The following MMP13 variants were observed in gnomAD, a reference collection of about 807,000 sequenced individuals.
The protein encoded by MMP13 is collagenase 3.
In MMP13, 45 loss-of-function variants were observed where a neutral mutation model predicts 52.1. The ratio of observed to expected loss-of-function variants is 0.86; its 90% confidence interval spans 0.68 to 1.11. MMP13 has a LOEUF of 1.11. MMP13 is among the 50% of genes least tolerant of loss of function. The pLI is 0.00. For missense variants in MMP13, 576 were observed against 583.8 expected (o/e 0.99, Z 0.14); for synonymous variants, 200 against 204.4 (o/e 0.98, Z 0.18).
chr11:102,955,572 G>T lies in MMP13; in HGVS notation c.120+14C>A, dbSNP rs1048412926. 10 of 1,613,920 alleles carry T rather than the reference G, an allele frequency of 6.2e-6. No individual in the cohort carries two copies. The East Asian group carries it at 2.2e-4, about 36-fold the overall frequency. Reference sequence around the variant, plus strand: ...TGTACCAACCGCATCATCAGGATTGGCAAGATACTCTACCTCTGCAAACTG... The same window carrying T: ...TGTACCAACCGCATCATCAGGATTGTCAAGATACTCTACCTCTGCAAACTG... On this transcript the variant is annotated intron_variant, in intron 1 of 9. Coordinates refer to ENST00000260302, the MANE Select transcript of MMP13 (RefSeq NM_002427.4). The surrounding 1 kb of genome is among the most constrained non-coding windows in gnomAD (Gnocchi z 4.9).
chr11:102,949,995 C>G lies in MMP13; in HGVS notation c.917+115G>C, dbSNP rs146341643. 1 of 845,032 alleles carries G rather than the reference C, an allele frequency of 1.2e-6. No individual in the cohort carries two copies. The highest frequency in any genetic ancestry group is 2.1e-6 in the Non-Finnish European group (1 of 480,342). 52.3% of individuals were successfully genotyped at this position (845,032 alleles called of 1,614,324 possible). A position where few individuals can be genotyped will look rare whatever the true frequency, so the allele number is the denominator to read the frequency against. On this transcript the variant is annotated intron_variant, in intron 6 of 9. Transcript: ENST00000260302. The surrounding 1 kb of genome is among the most constrained non-coding windows in gnomAD (Gnocchi z 4.2). ...GAAATATGTAAATAAACTGCCTGCC[C>G]ATTTTTACTGCTAACTTCGCCTTTG...
At chr11:102,945,541 A>C (rs1426397248) in intron 9 of MMP13, 105 bp downstream of exon 9, 2 of 772,090 alleles carry the variant, frequency 2.6e-6, no homozygotes, top group Non-Finnish European at 4.4e-6. Context: ...ACTGCCATAC[A>C]TTTATTAACA....
intron 5 of MMP13, among the ~76,000 whole-genome samples, chr11:102,951,338 ACT>A (rs1860608475): frequency 1.3e-5 from 2 of 152,090 alleles, no homozygotes. Context: ...TGCTACTTAA[ACT>A]CTACAGGGCT....
Position 102,954,453 on chromosome 11 carries a change from AT to A in MMP13, c.511+4del, listed in dbSNP as rs1199690324. Reference sequence around the variant, plus strand: ...AATGTTTGTAAAATAAATGTGCATCATTACCCTTAATTCCAAAAGAGATCAT... The same window carrying A: ...AATGTTTGTAAAATAAATGTGCATCATACCCTTAATTCCAAAAGAGATCAT... On this transcript the variant is annotated splice_donor_region_variant and intron_variant, in intron 3 of 9. Coordinates refer to ENST00000260302, the MANE Select transcript of MMP13 (RefSeq NM_002427.4). The A allele has an allele frequency of 1.2e-6, 2 of 1,612,852 alleles. No individual in the cohort carries two copies. Among genetic ancestry groups the A allele is most frequent in the African/African-American group, 2.7e-5 (2 of 74,880 alleles).
At position 102,944,359 on chromosome 11, in the gene MMP13, G is replaced by T; in HGVS notation, c.1323C>A (p.Ile441=). Residue 441 remains isoleucine, a synonymous_variant, in exon 10 of 10, where the codon ATC becomes ATA. Transcript: ENST00000260302. ...ACTGTATGGGTCCGTTGAAAAAATA[G>T]ATATAACCTATAAGAAAAAGCATAA... The part of the protein sequence containing the change: ...VDAVYEKNGY[I]YFFNGPIQFE... 1 of 1,603,342 alleles carries T rather than the reference G, an allele frequency of 6.2e-7. No individual in the cohort carries two copies. The highest frequency in any genetic ancestry group is 1.1e-5 in the South Asian group (1 of 90,906).
chr11:102,946,359 T>A (rs965742376), intron 8 of MMP13, among the ~76,000 whole-genome samples: 44 of 152,176 alleles, frequency 2.9e-4, no homozygotes, highest in Non-Finnish European at 5.9e-4. Flanking sequence ...GTGCCACTAC[T>A]GTTACTGATG....
At chr11:102,951,101 A>G (rs1860604453) in intron 5 of MMP13, among the ~76,000 whole-genome samples, 1 of 152,038 alleles carries the variant, frequency 6.6e-6, no homozygotes, top group Non-Finnish European at 1.5e-5. Context: ...ATAAATAAAT[A>G]CTTGGGTTGA....
intron 4 of MMP13, among the ~76,000 whole-genome samples, chr11:102,953,108 A>G (rs1860638848): frequency 6.6e-6 from 1 of 152,150 alleles, no homozygotes; most frequent in Non-Finnish European, 1.5e-5. Flanking sequence ...ATGACTAGTA[A>G]TGGATACCCC....
Position 102,944,198 on chromosome 11 carries a change from C to T in MMP13, c.*68G>A. The T allele has an allele frequency of 8.6e-7, 1 of 1,158,782 alleles. No individual in the cohort carries two copies. The highest frequency in any genetic ancestry group is 1.3e-6 in the Non-Finnish European group (1 of 770,418). The allele number at this position is 1,158,782 out of a possible 1,614,324, so 71.8% of individuals were successfully genotyped here. A position where few individuals can be genotyped will look rare whatever the true frequency, so the allele number is the denominator to read the frequency against. On this transcript the variant is annotated 3_prime_UTR_variant, in exon 10 of 10. Coordinates refer to ENST00000260302, the MANE Select transcript of MMP13 (RefSeq NM_002427.4). ...TCTCCTGATAGCTCTTCTTCCCCTA[C>T]CCCGCACTTCTGGAAGTATTACCCC...
chr11:102,946,039 A>C (rs1483799732), intron 8 of MMP13, among the ~76,000 whole-genome samples: 3 of 152,230 alleles, frequency 2.0e-5, no homozygotes, highest in Non-Finnish European at 2.9e-5. Context: ...CATTAGGAAC[A>C]TGTTCTTAAG....
chr11:102,950,334 C>A, intron 5 of MMP13, 107 bp from the exon 6 acceptor site: 1 of 919,658 alleles, frequency 1.1e-6, no homozygotes, highest in South Asian at 1.3e-5. Context: ...GAGGGTTTCT[C>A]CAGGAAAAGC....
Position 102,955,536 on chromosome 11 carries a change from C to T in MMP13, c.121-43G>A, listed in dbSNP as rs1860684396. 2 of 1,613,894 alleles carry T rather than the reference C, an allele frequency of 1.2e-6. No individual in the cohort carries two copies. Among genetic ancestry groups the T allele is most frequent in the African/African-American group, 1.3e-5 (1 of 74,902 alleles). ...ATGAACTGCGTTTAAAAGAGAAGGA[C>T]ATTTCTGAGATGTACCAACCGCATC... On this transcript the variant is annotated intron_variant, in intron 1 of 9. Coordinates refer to ENST00000260302, the MANE Select transcript of MMP13 (RefSeq NM_002427.4). This position sits in a 1 kb window ranked among gnomAD's most constrained non-coding sequence, Gnocchi z 4.9.
intron 9 of MMP13, among the ~76,000 whole-genome samples, 197 bp downstream of exon 9, chr11:102,945,449 G>T (rs1213799500): frequency 1.3e-5 from 2 of 152,062 alleles, no homozygotes; most frequent in African/African-American, 4.8e-5. Flanking sequence ...CAATCATTAA[G>T]TAAAATTCTT....
chr11:102,948,955 T>A, intron 7 of MMP13, 70 bp downstream of exon 7: 1 of 1,587,604 alleles, frequency 6.3e-7, no homozygotes, highest in Non-Finnish European at 8.6e-7. Flanking sequence ...TTTTACTGAA[T>A]CTCTAGTGGC....
At chr11:102,951,630 A>T (rs1313192225) in intron 5 of MMP13, among the ~76,000 whole-genome samples, 1 of 152,134 alleles carries the variant, frequency 6.6e-6, no homozygotes, top group Non-Finnish European at 1.5e-5. Context: ...AACAACAGGG[A>T]TACATTCTGA....
At chr11:102,948,258 T>A (rs1555016904) in intron 7 of MMP13, among the ~76,000 whole-genome samples, 2 of 152,182 alleles carry the variant, frequency 1.3e-5, no homozygotes, top group African/African-American at 2.4e-5. Flanking sequence ...TTCCCAATTA[T>A]GAATATAGCT....
chr11:102,944,991 C>A, intron 9 of MMP13: 1 of 204,476 alleles, frequency 4.9e-6, no homozygotes, highest in Non-Finnish European at 1.0e-5. Flanking sequence ...GGCCTGTAAT[C>A]TGAGCACTTT....
chr11:102,954,282 C>G lies in MMP13; in HGVS notation c.512-1G>C. On this transcript the variant is annotated splice_acceptor_variant, in intron 3 of 9. Transcript: ENST00000260302. LOFTEE classifies it high-confidence loss of function. ...TCAAATGGGTAGAAGTCGCCATGCT[C>G]TACACACAAAAGCAAGGGTTAGGAG... The G allele has an allele frequency of 2.5e-6, 4 of 1,613,654 alleles. No homozygotes were observed. The highest frequency in any genetic ancestry group is 3.4e-6 in the Non-Finnish European group (4 of 1,179,726).
chr11:102,951,492 C>T (rs571388667), intron 5 of MMP13, among the ~76,000 whole-genome samples: 2 of 152,026 alleles, frequency 1.3e-5, no homozygotes, highest in African/African-American at 4.8e-5. Flanking sequence ...AGAATGAAAT[C>T]TTTTCTATTT....
Sources: allele counts gnomAD v4.1 joint callset (sites outside exome capture counted in the v4.1 genomes callset), GRCh38; gene constraint gnomAD v4.1.1; non-coding constraint Gnocchi (gnomAD v3.1); transcripts MANE v1.5; gene names NCBI Gene and HGNC (gene_info 2026-07-23, HGNC 2026-07-21).